SLIT3: variants seen among roughly 807,000 people sequenced by gnomAD.
SLIT3 encodes slit guidance ligand 3, also known as slit homolog 3 protein.
In SLIT3, 68 loss-of-function variants were observed where a neutral mutation model predicts 184.0. That is an observed-to-expected ratio of 0.37 (90% CI 0.30 to 0.45). The LOEUF (loss-of-function observed/expected upper bound fraction) is 0.45. SLIT3 is among the 20% of genes least tolerant of loss of function. The probability of loss-of-function intolerance (pLI) is 1.00; values close to 1 mark genes in which losing one functional copy is unlikely to be tolerated. For missense variants in SLIT3, 1,707 were observed against 2,026.0 expected, an observed-to-expected ratio of 0.84 and a Z score of 3.02; for synonymous variants, 831 against 828.6, an observed-to-expected ratio of 1.00 and a Z score of -0.05.
chr5:169,201,162 G>A (rs1008196035), intron 3 of SLIT3, among the ~76,000 whole-genome samples: 2 of 152,144 alleles, frequency 1.3e-5, no homozygotes, highest in Non-Finnish European at 2.9e-5. Context: ...ATGACATTTA[G>A]GCTGGCTTAC....
At chr5:168,836,642 T>G (rs556036413) in intron 6 of SLIT3, among the ~76,000 whole-genome samples, 2 of 152,226 alleles carry the variant, frequency 1.3e-5, no homozygotes, top group East Asian at 1.9e-4. Context: ...TGAATTCCAG[T>G]GCAGAGATCT....
intron 21 of SLIT3, among the ~76,000 whole-genome samples, 171 bp downstream of exon 21, chr5:168,724,245 A>G (rs1047759776): frequency 2.6e-5 from 4 of 152,154 alleles, no homozygotes; most frequent in Non-Finnish European, 5.9e-5. Flanking sequence ...TCATTCTGCA[A>G]GATCTCCCAC....
intron 29 of SLIT3, among the ~76,000 whole-genome samples, chr5:168,688,554 G>C (rs1455625020): frequency 6.6e-6 from 1 of 152,182 alleles, no homozygotes; most frequent in Non-Finnish European, 1.5e-5. Context: ...ACACGGAGGG[G>C]GTGATGTGTC....
chr5:169,293,551 C>T (rs909373117), intron 1 of SLIT3, among the ~76,000 whole-genome samples: 7 of 152,190 alleles, frequency 4.6e-5, no homozygotes, highest in Middle Eastern at 3.4e-3. Flanking sequence ...ATGGAGGGTG[C>T]CCTTGGTTCC....
At chr5:169,217,167 C>A (rs1482924173) in intron 3 of SLIT3, among the ~76,000 whole-genome samples, 3 of 151,294 alleles carry the variant, frequency 2.0e-5, no homozygotes, top group African/African-American at 7.3e-5. Context: ...GACTTTCTAC[C>A]CTTCCCCCAG....
intron 4 of SLIT3, among the ~76,000 whole-genome samples, chr5:168,996,332 C>G (rs931613511): frequency 6.6e-6 from 1 of 152,126 alleles, no homozygotes; most frequent in Non-Finnish European, 1.5e-5. Context: ...CTCCAACTAT[C>G]CTTTCCCATT....
At chr5:168,785,804 C>T in intron 12 of SLIT3, 103 bp downstream of exon 12, 1 of 818,552 alleles carries the variant, frequency 1.2e-6, no homozygotes, top group East Asian at 2.4e-5. Flanking sequence ...TCTCTTTTGT[C>T]TGCAGAAAGT....
chr5:169,029,326 T>G (rs1756942477), intron 4 of SLIT3, among the ~76,000 whole-genome samples: 1 of 152,224 alleles, frequency 6.6e-6, no homozygotes, highest in African/African-American at 2.4e-5. Flanking sequence ...CTCTGATATT[T>G]TCCTAGTTCA....
intron 4 of SLIT3, among the ~76,000 whole-genome samples, chr5:169,031,945 A>G (rs1757039674): frequency 2.0e-5 from 3 of 152,350 alleles, no homozygotes; most frequent in Admixed American, 2.0e-4. Context: ...AGCAGACAGC[A>G]TGGACAAGAC....
chr5:168,924,829 C>G (rs535175207), intron 4 of SLIT3, among the ~76,000 whole-genome samples: 1 of 152,096 alleles, frequency 6.6e-6, no homozygotes, highest in African/African-American at 2.4e-5. Flanking sequence ...GAGTTTTGAG[C>G]CTTGTTTCTA....
At chr5:169,096,959 T>C (rs1402998496) in intron 4 of SLIT3, among the ~76,000 whole-genome samples, 1 of 152,150 alleles carries the variant, frequency 6.6e-6, no homozygotes, top group Non-Finnish European at 1.5e-5. Flanking sequence ...TGCAGACAGG[T>C]CAAAAGACAG....
At chr5:169,249,627 A>T (rs575771001) in intron 2 of SLIT3, among the ~76,000 whole-genome samples, 2 of 152,338 alleles carry the variant, frequency 1.3e-5, no homozygotes, top group South Asian at 4.1e-4. Flanking sequence ...GAAGGTAAAC[A>T]AGCATCTATT....
chr5:168,897,640 G>A lies in SLIT3; in HGVS notation c.414-14304C>T, dbSNP rs1444140146. Among the ~76,000 whole-genome samples the A allele has an allele frequency of 1.3e-3, 48 of 35,578 alleles. 1 individual carries two copies. The highest frequency in any genetic ancestry group is 3.1e-3 in the Non-Finnish European group (37 of 11,884). The allele number at this position is 35,578 out of a possible 152,430, so 23.3% of individuals were successfully genotyped here. A position where few individuals can be genotyped will look rare whatever the true frequency, so the allele number is the denominator to read the frequency against. On this transcript the variant is annotated intron_variant, in intron 4 of 35. Transcript: ENST00000519560. ...GCAAAGAGAAAGAGGATGGAGACAG[G>A]TGCACGTACACACACACACACACAC...
intron 3 of SLIT3, among the ~76,000 whole-genome samples, chr5:169,242,612 G>C (rs1223914245): frequency 6.6e-6 from 1 of 152,202 alleles, no homozygotes; most frequent in African/African-American, 2.4e-5. Flanking sequence ...AGAAGACTTT[G>C]TCCCTGAGTC....
intron 4 of SLIT3, 51 bp from the exon 5 acceptor site, chr5:168,883,387 A>T: frequency 7.4e-7 from 1 of 1,350,022 alleles, no homozygotes; most frequent in Non-Finnish European, 1.1e-6. Context: ...GGCTGTCTTG[A>T]TCTGCATCTC....
intron 16 of SLIT3, among the ~76,000 whole-genome samples, chr5:168,754,376 T>A (rs1247903999): frequency 1.3e-5 from 2 of 152,166 alleles, no homozygotes; most frequent in Non-Finnish European, 2.9e-5. Context: ...TTAAGTGAAA[T>A]GAGCCAGGCA....
In SLIT3 at chr5:168,711,046, G is replaced by A; in HGVS notation, c.2568C>T (p.Thr856=). 1 of 1,582,342 alleles carries A rather than the reference G, an allele frequency of 6.3e-7. No homozygotes were observed. Among genetic ancestry groups the A allele is most frequent in the Non-Finnish European group, 8.6e-7 (1 of 1,163,044 alleles). Reference sequence around the variant, plus strand: ...GACTGCAGTCACAGTGGAGTGGGTTGGTTCCCAGCGCCCTAGGAGGCAGAA... The same window carrying A: ...GACTGCAGTCACAGTGGAGTGGGTTAGTTCCCAGCGCCCTAGGAGGCAGAA... The part of the protein sequence containing the change: ...LTSLSHLALG[T]NPLHCDCSLR... Residue 856 remains threonine, a synonymous_variant, in exon 25 of 36, where the codon ACC becomes ACT. Coordinates refer to ENST00000519560, the MANE Select transcript of SLIT3 (RefSeq NM_003062.4).
At chr5:168,998,767 G>A (rs1031001979) in intron 4 of SLIT3, among the ~76,000 whole-genome samples, 2 of 147,920 alleles carry the variant, frequency 1.4e-5, no homozygotes, top group Admixed American at 1.3e-4. Flanking sequence ...GTGAAAAGAT[G>A]TGTCCTCAAA....
At chr5:169,200,232 A>G (rs1289830693) in intron 3 of SLIT3, among the ~76,000 whole-genome samples, 1 of 152,206 alleles carries the variant, frequency 6.6e-6, no homozygotes, top group Admixed American at 6.5e-5. Flanking sequence ...TCCTTTCCTC[A>G]GGGAGCTGTG....
Sources: gnomAD v4.1 joint callset for allele counts (sites outside exome capture counted in the v4.1 genomes callset) on GRCh38, gnomAD v4.1.1 for gene constraint, MANE v1.5 for transcripts, NCBI Gene and HGNC (gene_info 2026-07-23, HGNC 2026-07-21) for gene names.